The following SF3A1 variants were observed in gnomAD, a reference collection of about 807,000 sequenced individuals.
The protein encoded by SF3A1 is SAP 114.
Under a neutral mutation model 89.9 loss-of-function variants are expected in SF3A1, and 13 were observed. That is an observed-to-expected ratio of 0.14 (90% CI 0.09 to 0.23). SF3A1 has a LOEUF of 0.23. SF3A1 is among the 10% of genes least tolerant of loss of function. The pLI is 1.00. For missense variants in SF3A1, 604 were observed against 1,022.1 expected, an observed-to-expected ratio of 0.59 and a Z score of 5.58; for synonymous variants, 405 against 374.4, an observed-to-expected ratio of 1.08 and a Z score of -0.94.
Position 30,334,544 on chromosome 22 carries a change from G to T in SF3A1, c.*50C>A. ...GCTCCTGGGTCTGGGGCAGGGGGTG[G>T]GAGACAGGAGAGGCAAAATGGCAGG... is the stretch of plus-strand genomic sequence containing the variant. On this transcript the variant is annotated 3_prime_UTR_variant, in exon 16 of 16. Coordinates refer to ENST00000215793, the MANE Select transcript of SF3A1 (RefSeq NM_005877.6). The T allele has an allele frequency of 1.6e-6, 2 of 1,231,920 alleles. No homozygotes were observed. Among genetic ancestry groups the T allele is most frequent in the Non-Finnish European group, 1.1e-6 (1 of 880,196 alleles). The allele number at this position is 1,231,920 out of a possible 1,614,324, so 76.3% of individuals were successfully genotyped here.
chr22:30,346,259 C>T, intron 3 of SF3A1, 53 bp downstream of exon 3: 2 of 1,210,664 alleles, frequency 1.7e-6, no homozygotes, highest in South Asian at 1.3e-5. Flanking sequence ...CCCTCCCTAT[C>T]CCTGTTTCCC....
At chr22:30,344,648 A>C (rs1253847647) in intron 4 of SF3A1, among the ~76,000 whole-genome samples, 1 of 152,258 alleles carries the variant, frequency 6.6e-6, no homozygotes, top group East Asian at 1.9e-4. Flanking sequence ...AATGCACTTA[A>C]AAGCAGCAAG....
intron 1 of SF3A1, among the ~76,000 whole-genome samples, chr22:30,355,294 A>G (rs1284276930): frequency 1.3e-5 from 2 of 152,202 alleles, no homozygotes; most frequent in African/African-American, 4.8e-5. Context: ...TACAGGCGTG[A>G]GCCACTGGAC....
chr22:30,341,580 CACGCCTCCTTTCAAGGCTCACAGG>C lies in SF3A1; in HGVS notation c.1071+88_1071+111del. On this transcript the variant is annotated intron_variant, in intron 7 of 15. Transcript: ENST00000215793. The stretch of plus-strand genomic sequence containing the variant: ...CAGCTGTATGGCCTTGTTCAGGACC[CACGCCTCCTTTCAAGGCTCACAGG>C]GGAGCTGGATCTGACTGGTGGAGAG... 142 of 582,076 alleles carry C rather than the reference CACGCCTCCTTTCAAGGCTCACAGG, an allele frequency of 2.4e-4. 19 individuals carry two copies. The highest frequency in any genetic ancestry group is 3.4e-4 in the South Asian group (18 of 52,666). The allele number at this position is 582,076 out of a possible 1,614,324, so 36.1% of individuals were successfully genotyped here.
chr22:30,353,101 T>G (rs929192012), intron 1 of SF3A1, 29 bp from the exon 2 acceptor site: 1 of 1,611,694 alleles, frequency 6.2e-7, no homozygotes, highest in Admixed American at 1.7e-5. Context: ...AAATAAGGTT[T>G]TAAAGTCCCT....
intron 2 of SF3A1, among the ~76,000 whole-genome samples, chr22:30,351,464 C>T (rs1416408650): frequency 6.6e-6 from 1 of 152,182 alleles, no homozygotes; most frequent in African/African-American, 2.4e-5. Flanking sequence ...CCTGCTTCCA[C>T]ACATGAAGGA....
At position 30,341,695 on chromosome 22, in the gene SF3A1, A is replaced by G; in HGVS notation, c.1068T>C (p.Asp356=). Residue 356 remains aspartate (D), a synonymous_variant, in exon 7 of 16, where the codon GAT becomes GAC. Coordinates refer to ENST00000215793, the MANE Select transcript of SF3A1 (RefSeq NM_005877.6). ...GCAGGCCTGCCCAGCAGCTTACCTCATCCATATCTTGTACTTGGGTGTCCT... is the reference window on the plus strand; with the variant it reads ...GCAGGCCTGCCCAGCAGCTTACCTCGTCCATATCTTGTACTTGGGTGTCCT... ...LDQDTQVQDM[D]EGSDDEEEGQ... The G allele has an allele frequency of 6.2e-7, 1 of 1,613,482 alleles. No individual in the cohort carries two copies.
chr22:30,337,814 G>C lies in SF3A1; in HGVS notation c.1827C>G (p.Pro609=). The C allele has an allele frequency of 6.2e-7, 1 of 1,604,830 alleles. No homozygotes were observed. Among genetic ancestry groups the C allele is most frequent in the Non-Finnish European group, 8.5e-7 (1 of 1,176,020 alleles). Residue 609 remains proline (P), a synonymous_variant, in exon 12 of 16, where the codon CCC becomes CCG. Transcript: ENST00000215793. The part of the protein sequence containing the change: ...RPPMASVVRL[P]PGSVIAPMPP... ...GCATGGGGGCGATCACTGAGCCTGG[G>C]GGCAGCCGGACCACAGATGCCATTG...
intron 2 of SF3A1, among the ~76,000 whole-genome samples, chr22:30,348,867 G>C (rs989357737): frequency 6.6e-6 from 1 of 152,210 alleles, no homozygotes; most frequent in Non-Finnish European, 1.5e-5. Context: ...CACTGCCTAA[G>C]CCATAACTTT....
rs1931295384 is a variant in SF3A1 at position 30,342,617 on chromosome 22, G to T, written c.726+188C>A. 1.3e-5 allele frequency: 8 copies of T among 624,490 alleles called. No homozygotes were observed. In the South Asian group the frequency reaches 1.4e-4, roughly 11 times the overall value. The allele number at this position is 624,490 out of a possible 1,614,324, so 38.7% of individuals were successfully genotyped here. On this transcript the variant is annotated intron_variant, in intron 5 of 15. Transcript: ENST00000215793. ...GAGATATATTGAGGCTGAGAGCAAA[G>T]CAGAAAGTTGTGGTATGTTGGGAAG...
Position 30,338,458 on chromosome 22 carries a change from CA to C in SF3A1, c.1743+330del, listed in dbSNP as rs11442423. 5.3e-3 allele frequency among the ~76,000 whole-genome samples: 635 copies of C among 119,828 alleles called. 2 individuals carry two copies. The highest frequency in any genetic ancestry group is 9.2e-3 in the African/African-American group (295 of 32,096). The allele number at this position is 119,828 out of a possible 152,430, so 78.6% of individuals were successfully genotyped here. ...GGGCGACAAGAGCAAAACTTCATCT[CA>C]AAAAAAAAAAAAAAAGAGGCCGAGA... is the stretch of plus-strand genomic sequence containing the variant. On this transcript the variant is annotated intron_variant, in intron 11 of 15. Transcript: ENST00000215793.
In SF3A1 at chr22:30,337,749, A is replaced by T; in HGVS notation, c.1892T>A (p.Met631Lys). 1 of 1,578,342 alleles carries T rather than the reference A, an allele frequency of 6.3e-7. No homozygotes were observed. The highest frequency in any genetic ancestry group is 8.6e-7 in the Non-Finnish European group (1 of 1,163,074). ...IHAPRINVVP[M>K]PPSAPPIMAP... ...CATAATAGGAGGGGCCGAGGGAGGC[A>T]TGGGCACCACGTTGATTCTGGGCGC... is the stretch of plus-strand genomic sequence containing the variant. The change falls in exon 12 of 16, where the codon ATG (methionine) becomes AAG (lysine). Residue 631 changes from methionine to lysine, a missense_variant. By Grantham distance (95) the Met-to-Lys change is moderately conservative. This residue lies in a region of SF3A1 where 85 missense variants were observed against 137.3 expected (regional missense o/e 0.62). Transcript: ENST00000215793.
At chr22:30,352,928 A>G (rs1489628268) in intron 2 of SF3A1, 23 bp downstream of exon 2, 2 of 1,613,406 alleles carry the variant, frequency 1.2e-6, no homozygotes, top group Non-Finnish European at 1.7e-6. Context: ...CCCACCTCTG[A>G]CCCACCCAAG....
rs565940221 is a variant in SF3A1 at position 30,348,199 on chromosome 22, T to C, written c.186-1680A>G. Among the ~76,000 whole-genome samples, 7 of 152,332 alleles carry C rather than the reference T, an allele frequency of 4.6e-5. No homozygotes were observed. The East Asian group carries it at 5.8e-4, about 13-fold the overall frequency. On this transcript the variant is annotated intron_variant, in intron 2 of 15. Coordinates refer to ENST00000215793, the MANE Select transcript of SF3A1 (RefSeq NM_005877.6). The stretch of plus-strand genomic sequence containing the variant: ...CAAGGGGCTAGGAGGGGTTGTTCCA[T>C]AAACATTGTCTGTGGGGCCTTCCAT...
rs1008784144 is a variant in SF3A1, at chr22:30,341,888, A to G, written c.878-3T>C. Reference sequence around the variant, plus strand: ...CGTGGTGGGGGGAGGGAAGTTCCCTAGAGGGTGAGCCAGAGGCAAAGGTAT... The same window carrying G: ...CGTGGTGGGGGGAGGGAAGTTCCCTGGAGGGTGAGCCAGAGGCAAAGGTAT... On this transcript the variant is annotated splice_polypyrimidine_tract_variant and splice_region_variant and intron_variant, in intron 6 of 15. Coordinates refer to ENST00000215793, the MANE Select transcript of SF3A1 (RefSeq NM_005877.6). 1.2e-6 allele frequency: 2 copies of G among 1,611,140 alleles called. No individual in the cohort carries two copies. Among genetic ancestry groups the G allele is most frequent in the Non-Finnish European group, 1.7e-6 (2 of 1,179,694 alleles).
At chr22:30,346,551 C>T (rs199804113) in intron 2 of SF3A1, 32 bp from the exon 3 acceptor site, 1 of 1,610,368 alleles carries the variant, frequency 6.2e-7, no homozygotes, top group East Asian at 2.2e-5. Flanking sequence ...AGAATAAACA[C>T]CACTCCCTTG....
chr22:30,346,251 CTCCCTA>C, intron 3 of SF3A1, 55 bp downstream of exon 3: 1 of 1,129,438 alleles, frequency 8.9e-7, no homozygotes. Context: ...TGTGTACTCC[CTCCCTA>C]TCCCTGTTTC....
intron 14 of SF3A1, 55 bp from the exon 15 acceptor site, chr22:30,335,593 C>A: frequency 6.2e-7 from 1 of 1,611,612 alleles, no homozygotes; most frequent in Middle Eastern, 1.7e-4. Flanking sequence ...CTAGAGGAAG[C>A]TTTCCCCTGA....
rs1396895798 is a variant in SF3A1, at chr22:30,342,766, C to T, written c.726+39G>A. The stretch of plus-strand genomic sequence containing the variant: ...GTTTTCAGACATAAAACAGAACCAA[C>T]CACCAGTAACTGGTTGCAAGAAATG... On this transcript the variant is annotated intron_variant, in intron 5 of 15. Transcript: ENST00000215793. 2 of 1,289,996 alleles carry T rather than the reference C, an allele frequency of 1.6e-6. 1 individual carries two copies. Among genetic ancestry groups the T allele is most frequent in the South Asian group, 2.4e-5 (2 of 84,494 alleles). The allele number at this position is 1,289,996 out of a possible 1,614,324, so 79.9% of individuals were successfully genotyped here.
Sources: gnomAD v4.1 joint callset for allele counts (sites outside exome capture counted in the v4.1 genomes callset) on GRCh38, gnomAD v4.1.1 for gene constraint, gnomAD v4.1.1 regional missense constraint, MANE v1.5 for transcripts, NCBI Gene and HGNC (gene_info 2026-07-23, HGNC 2026-07-21) for gene names.